The following DENND2B variants were observed in gnomAD, a reference collection of about 807,000 sequenced individuals.
The protein encoded by DENND2B is DENN domain containing 2B, also known as DENN domain-containing protein 2B.
DENND2B carries 32 observed loss-of-function variants against 116.0 expected under a neutral mutation model. The ratio of observed to expected loss-of-function variants is 0.28; its 90% confidence interval spans 0.21 to 0.37. DENND2B has a LOEUF of 0.37. DENND2B is among the 10% of genes least tolerant of loss of function. The probability of loss-of-function intolerance (pLI) is 1.00; values close to 1 mark genes in which losing one functional copy is unlikely to be tolerated. For synonymous variants in DENND2B, 588 were observed against 583.9 expected (o/e 1.01, Z -0.10); for missense variants, 1,276 against 1,477.7 (o/e 0.86, Z 2.24).
At chr11:8,698,835 G>A in intron 16 of DENND2B, 98 bp downstream of exon 16, 2 of 1,435,952 alleles carry the variant, frequency 1.4e-6, no homozygotes, top group Non-Finnish European at 2.0e-6. Flanking sequence ...ACTGAACCCA[G>A]AGAGAGAGCT....
rs763434311 is a variant in DENND2B at position 8,730,149 on chromosome 11, C to T, written c.1141G>A (p.Asp381Asn). The T allele has an allele frequency of 6.2e-7, 1 of 1,614,154 alleles. No individual in the cohort carries two copies. Among genetic ancestry groups the T allele is most frequent in the Non-Finnish European group, 8.5e-7 (1 of 1,180,018 alleles). ...TTGGGGACAGGGTTCACAGCGGGATCGAGGGAACTCTTCGATGGCAGCCGC... is the reference window on the plus strand; with the variant it reads ...TTGGGGACAGGGTTCACAGCGGGATTGAGGGAACTCTTCGATGGCAGCCGC... ...SQRLPSKSSL[D>N]PAVNPVPKPK... The change falls in exon 3 of 20, where the codon GAT becomes AAT. Residue 381 changes from aspartate to asparagine, a missense_variant. By Grantham distance (23) the Asp-to-Asn change is conservative. This residue lies in a region of DENND2B where 856 missense variants were observed against 846.6 expected (regional missense o/e 1.01). Transcript: ENST00000313726. The surrounding 1 kb of genome is among the most constrained non-coding windows in gnomAD (Gnocchi z 4.1).
At chr11:8,764,611 T>C (rs1468531108) in intron 1 of DENND2B, among the ~76,000 whole-genome samples, 1 of 152,180 alleles carries the variant, frequency 6.6e-6, no homozygotes, top group Admixed American at 6.5e-5. Context: ...CTGTCATATC[T>C]TGTGGCAGGA....
chr11:8,887,079 C>T (rs1284348193), intron 1 of DENND2B, among the ~76,000 whole-genome samples: 3 of 152,168 alleles, frequency 2.0e-5, no homozygotes, highest in East Asian at 1.9e-4. Context: ...CCATCTACCT[C>T]GGCCTCCCAA....
intron 1 of DENND2B, among the ~76,000 whole-genome samples, chr11:8,751,645 T>A (rs1053918267): frequency 6.6e-6 from 1 of 152,082 alleles, no homozygotes; most frequent in Non-Finnish European, 1.5e-5. Flanking sequence ...TTAAGAACTG[T>A]AACACTCACT....
chr11:8,720,012 T>A (rs1592689769), intron 4 of DENND2B, among the ~76,000 whole-genome samples: 1 of 152,118 alleles, frequency 6.6e-6, no homozygotes, highest in South Asian at 2.1e-4. Context: ...TTGGCTTCTA[T>A]CCACCAGGAG....
At chr11:8,907,933 C>T (rs1352558357) in intron 1 of DENND2B, among the ~76,000 whole-genome samples, 1 of 152,148 alleles carries the variant, frequency 6.6e-6, no homozygotes, top group Non-Finnish European at 1.5e-5. Flanking sequence ...AACTCCTGGC[C>T]TCAAGTAATC....
intron 2 of DENND2B, among the ~76,000 whole-genome samples, chr11:8,860,475 ATACT>A (rs1312134694): frequency 2.0e-5 from 3 of 152,178 alleles, no homozygotes; most frequent in African/African-American, 7.2e-5. Flanking sequence ...ACCTAGTAAT[ATACT>A]TAACTAAGAA....
intron 1 of DENND2B, among the ~76,000 whole-genome samples, chr11:8,904,436 C>T (rs1340874057): frequency 6.6e-6 from 1 of 152,002 alleles, no homozygotes; most frequent in Non-Finnish European, 1.5e-5. Context: ...CTTCCTTAAC[C>T]TAATAAAGAG....
At chr11:8,908,642 C>A (rs2064269523) in intron 1 of DENND2B, among the ~76,000 whole-genome samples, 2 of 18,458 alleles carry the variant, frequency 1.1e-4, no homozygotes, top group African/African-American at 1.2e-4. Context: ...CTCACTGATT[C>A]CTAGGCCATC....
At chr11:8,734,114 C>T (rs1290921261) in intron 2 of DENND2B, among the ~76,000 whole-genome samples, 1 of 152,152 alleles carries the variant, frequency 6.6e-6, no homozygotes, top group African/African-American at 2.4e-5. Flanking sequence ...AAAGATAAGG[C>T]CCTGCCCTCC....
Position 8,730,224 on chromosome 11 carries a change from C to G in DENND2B, c.1066G>C (p.Gly356Arg), listed in dbSNP as rs1346819337. ...GTCCCGGGCTTAGTGGAACCACTGCCTTCCCTCTCTGGGGGTGGGCCCGCC... is the reference window on the plus strand; with the variant it reads ...GTCCCGGGCTTAGTGGAACCACTGCGTTCCCTCTCTGGGGGTGGGCCCGCC... Reference protein sequence around the residue: ...GEAGPPPEREGSGSTKPGTPG... With the variant: ...GEAGPPPERERSGSTKPGTPG... The change falls in exon 3 of 20, where the codon GGC becomes CGC. Residue 356 changes from glycine (G) to arginine (R), a missense_variant. Transcript: ENST00000313726. This position sits in a 1 kb window ranked among gnomAD's most constrained non-coding sequence, Gnocchi z 4.1. The G allele has an allele frequency of 1.2e-6, 2 of 1,612,828 alleles. No individual in the cohort carries two copies. Among genetic ancestry groups the G allele is most frequent in the African/African-American group, 1.3e-5 (1 of 74,934 alleles).
At chr11:8,893,980 C>T (rs919670645) in intron 1 of DENND2B, among the ~76,000 whole-genome samples, 1 of 152,070 alleles carries the variant, frequency 6.6e-6, no homozygotes, top group Non-Finnish European at 1.5e-5. Context: ...AGGCATCATG[C>T]TACCTGACTT....
intron 2 of DENND2B, among the ~76,000 whole-genome samples, chr11:8,738,088 T>C (rs1179023979): frequency 6.6e-6 from 1 of 151,994 alleles, no homozygotes; most frequent in Non-Finnish European, 1.5e-5. Flanking sequence ...GAGGGAAAGG[T>C]TGTCAGTGCA....
At chr11:8,864,042 T>C (rs975490705) in intron 2 of DENND2B, among the ~76,000 whole-genome samples, 1 of 151,958 alleles carries the variant, frequency 6.6e-6, no homozygotes, top group African/African-American at 2.4e-5. Flanking sequence ...CTAACTAGAG[T>C]TCCCGGCAAC....
intron 1 of DENND2B, among the ~76,000 whole-genome samples, chr11:8,758,513 T>A (rs1423123954): frequency 2.0e-5 from 3 of 152,226 alleles, no homozygotes; most frequent in Non-Finnish European, 2.9e-5. Context: ...AAAGAGTTTA[T>A]ATCAGTCATA....
chr11:8,774,539 C>A (rs914643204), intron 1 of DENND2B, among the ~76,000 whole-genome samples: 1 of 152,166 alleles, frequency 6.6e-6, no homozygotes, highest in African/African-American at 2.4e-5. Flanking sequence ...ACAGAAGATT[C>A]TTCCCCTTCA....
Position 8,860,700 on chromosome 11 carries a change from A to T in DENND2B, c.-249-3264T>A, listed in dbSNP as rs2742547. 1.2e-3 allele frequency among the ~76,000 whole-genome samples: 182 copies of T among 152,162 alleles called. 1 individual carries two copies. The highest frequency in any genetic ancestry group is 2.1e-3 in the Non-Finnish European group (142 of 68,030). ...AAATATTAGAAAAAACAATTCTAAA[A>T]TTCATATGGAACCAAAAAGGAGCCC... On this transcript the variant is annotated intron_variant, in intron 2 of 6. Transcript: ENST00000524757.
At chr11:8,893,524 T>C (rs2064059799) in intron 1 of DENND2B, among the ~76,000 whole-genome samples, 1 of 152,184 alleles carries the variant, frequency 6.6e-6, no homozygotes, top group African/African-American at 2.4e-5. Context: ...AAAATCTCCT[T>C]AAGCTGATAA....
intron 1 of DENND2B, among the ~76,000 whole-genome samples, chr11:8,770,268 A>C (rs565234462): frequency 1.3e-5 from 2 of 152,344 alleles, no homozygotes; most frequent in Non-Finnish European, 2.9e-5. Context: ...AATAGGATTA[A>C]ATGCAAAAGG....
Sources: allele counts gnomAD v4.1 joint callset (sites outside exome capture counted in the v4.1 genomes callset), GRCh38; gene constraint gnomAD v4.1.1; regional missense constraint gnomAD v4.1.1; non-coding constraint Gnocchi (gnomAD v3.1); transcripts MANE v1.5; gene names NCBI Gene and HGNC (gene_info 2026-07-23, HGNC 2026-07-21).